Variants in MGA observed in about 807,000 individuals in gnomAD.
MGA encodes MAX dimerization protein MGA.
In MGA, 40 loss-of-function variants were observed where a neutral mutation model predicts 261.1. The observed-to-expected ratio is 0.15, with a 90% CI of 0.12 to 0.20. The LOEUF (loss-of-function observed/expected upper bound fraction) is 0.20, where lower values mean the gene tolerates loss of function less well. Among genes scored for constraint, MGA ranks in the 10% least tolerant of loss-of-function variants. The probability of loss-of-function intolerance (pLI) is 1.00; values close to 1 mark genes in which losing one functional copy is unlikely to be tolerated. For synonymous variants in MGA, 1,302 were observed against 1,290.6 expected, an observed-to-expected ratio of 1.01 and a Z score of -0.19; for missense variants, 3,397 against 3,630.5, an observed-to-expected ratio of 0.94 and a Z score of 1.65.
At position 41,760,340 on chromosome 15, in the gene MGA, A is replaced by C; in HGVS notation, c.7209A>C (p.Leu2403=). The C allele has an allele frequency of 6.2e-7, 1 of 1,614,050 alleles. No individual in the cohort carries two copies. The highest frequency in any genetic ancestry group is 8.5e-7 in the Non-Finnish European group (1 of 1,179,906). Residue 2403 remains leucine (L), a synonymous_variant, in exon 20 of 24, where the codon CTA becomes CTC. Coordinates refer to ENST00000219905, the MANE Select transcript of MGA (RefSeq NM_001164273.2). ...TTGGACAGGCTCCACCAATTCCTCTAAAACTGAAGCCTGATTACTGGAGTG... is the reference window on the plus strand; with the variant it reads ...TTGGACAGGCTCCACCAATTCCTCTCAAACTGAAGCCTGATTACTGGAGTG...
chr15:41,641,707 C>T lies in MGA; in HGVS notation c.-68+20409C>T, dbSNP rs191148965. On this transcript the variant is annotated intron_variant, in intron 1 of 8. Transcript: ENST00000566718. ...GTTTCACCATATTGGCCAGGATGGT[C>T]TCGATCTCTTGACCTCGTGATCTGC... is the stretch of plus-strand genomic sequence containing the variant. Among the ~76,000 whole-genome samples the T allele has an allele frequency of 1.3e-3, 198 of 151,646 alleles. 1 individual carries two copies. Among genetic ancestry groups the T allele is most frequent in the African/African-American group, 4.7e-3 (194 of 41,308 alleles).
chr15:41,699,493 A>G (rs142418269), intron 5 of MGA, among the ~76,000 whole-genome samples: 6 of 150,940 alleles, frequency 4.0e-5, no homozygotes, highest in African/African-American at 1.5e-4. Context: ...GCTTTTGTTT[A>G]TGTGTGTGTG....
chr15:41,750,139 C>G lies in MGA; in HGVS notation c.6532C>G (p.Leu2178Val). 6.2e-7 allele frequency: 1 copy of G among 1,613,858 alleles called. No individual in the cohort carries two copies. Among genetic ancestry groups the G allele is most frequent in the South Asian group, 1.1e-5 (1 of 91,070 alleles). ...AGACAGGGAAAGATGGAGAAAACAT[C>G]TGAAGGGCCCCTTAACCAGGAAATG... is the stretch of plus-strand genomic sequence containing the variant. Residue 2178 changes from leucine (L) to valine (V), a missense_variant, in exon 17 of 24, where the codon CTG becomes GTG. This residue lies in a region of MGA where 1,410 missense variants were observed against 1,386.4 expected (regional missense o/e 1.02). Transcript: ENST00000219905.
chr15:41,647,281 A>G (rs757636830), intron 1 of MGA, among the ~76,000 whole-genome samples: 9 of 152,304 alleles, frequency 5.9e-5, no homozygotes, highest in Admixed American at 2.6e-4. Flanking sequence ...CCACTTCTCT[A>G]TGTGCTACCT....
At position 41,652,868 on chromosome 15, in the gene MGA, G is replaced by A. The variant is rs1227317885; in HGVS notation, c.-67-15960G>A. Among the ~76,000 whole-genome samples, 6 of 151,922 alleles carry A rather than the reference G, an allele frequency of 3.9e-5. No individual in the cohort carries two copies. The East Asian group carries it at 7.7e-4, about 20-fold the overall frequency. On this transcript the variant is annotated intron_variant, in intron 1 of 8. Transcript: ENST00000566718. ...CATAGTTGATGCTTAATAAATATTCGTTTAACTCATTGTAGCCTTATTTAC... is the reference window on the plus strand; with the variant it reads ...CATAGTTGATGCTTAATAAATATTCATTTAACTCATTGTAGCCTTATTTAC...
intron 3 of MGA, 84 bp from the exon 4 acceptor site, chr15:41,698,779 C>CT (rs1243700270): frequency 1.4e-4 from 147 of 1,073,208 alleles, no homozygotes; most frequent in Non-Finnish European, 1.7e-4. Context: ...TCCTTCTGGT[C>CT]TTTAAGTTTT....
intron 17 of MGA, chr15:41,752,215 G>A (rs1354144265): frequency 6.6e-6 from 1 of 152,130 alleles, no homozygotes; most frequent in Non-Finnish European, 1.5e-5. Flanking sequence ...TATTTACGTA[G>A]AGATGGGGTT....
chr15:41,721,501 A>G (rs760924062), intron 9 of MGA, among the ~76,000 whole-genome samples: 14 of 152,316 alleles, frequency 9.2e-5, no homozygotes, highest in Middle Eastern at 3.4e-3. Context: ...TGTAATATCT[A>G]AGGACCTATA....
intron 1 of MGA, among the ~76,000 whole-genome samples, chr15:41,640,409 G>T (rs1282856314): frequency 6.6e-6 from 1 of 152,130 alleles, no homozygotes; most frequent in Non-Finnish European, 1.5e-5. Context: ...TTACAAAGGA[G>T]TTGTTGAGCC....
At chr15:41,704,652 C>T (rs756517919) in intron 5 of MGA, among the ~76,000 whole-genome samples, 5 of 152,016 alleles carry the variant, frequency 3.3e-5, no homozygotes, top group East Asian at 1.9e-4. Context: ...AGCAAGACTC[C>T]GTCTCAAAAA....
intron 2 of MGA, among the ~76,000 whole-genome samples, chr15:41,673,540 C>CTTTTTTTTTT (rs777334913): frequency 6.7e-5 from 8 of 118,938 alleles, no homozygotes; most frequent in Non-Finnish European, 1.0e-4. Context: ...TTCTTTCTTT[C>CTTTTTTTTTT]TTTTTTTTTT....
chr15:41,719,506 C>A (rs973373022), intron 9 of MGA, among the ~76,000 whole-genome samples: 1 of 152,098 alleles, frequency 6.6e-6, no homozygotes, highest in East Asian at 1.9e-4. Flanking sequence ...TTCAGGAGGC[C>A]GAGACTAGTG....
rs759289213 is a variant in MGA, at chr15:41,710,943, C to T, written c.2678C>T (p.Pro893Leu). 8.7e-6 allele frequency: 14 copies of T among 1,613,862 alleles called. No individual in the cohort carries two copies. Among genetic ancestry groups the T allele is most frequent in the Non-Finnish European group, 1.1e-5 (13 of 1,179,892 alleles). ...TCTTTGAAACCTCATTCTGTACCCCCTGTCTCTCGAAAGGCAAAGTCTCAA... is the reference window on the plus strand; with the variant it reads ...TCTTTGAAACCTCATTCTGTACCCCTTGTCTCTCGAAAGGCAAAGTCTCAA... The change falls in exon 8 of 24, where the codon CCT becomes CTT. Residue 893 changes from proline (P) to leucine (L), a missense_variant. Physicochemically the swap from Pro to Leu is moderately conservative, Grantham distance 98 (BLOSUM62 -3). Transcript: ENST00000219905.
At chr15:41,722,773 G>A (rs1275362741) in intron 9 of MGA, among the ~76,000 whole-genome samples, 1 of 152,178 alleles carries the variant, frequency 6.6e-6, no homozygotes, top group African/African-American at 2.4e-5. Flanking sequence ...GGTCTTCTAA[G>A]TGTAATGCTT....
In MGA at chr15:41,622,479, AT is replaced by A. The variant is rs1447577948; in HGVS notation, c.-68+1183del. On this transcript the variant is annotated intron_variant, in intron 1 of 8. Transcript: ENST00000566718. ...CCTGGTGGAGGTAATTTGTTATAAT[AT>A]TCTGGGCATGTCTGTCTATCTTTAT... Among the ~76,000 whole-genome samples, 3 of 152,334 alleles carry A rather than the reference AT, an allele frequency of 2.0e-5. No homozygotes were observed. The South Asian group carries it at 6.2e-4, about 32-fold the overall frequency.
Position 41,630,010 on chromosome 15 carries a change from A to G in MGA, c.-68+8712A>G, listed in dbSNP as rs141568010. On this transcript the variant is annotated intron_variant, in intron 1 of 8. Coordinates refer to the MGA transcript ENST00000566718. The stretch of plus-strand genomic sequence containing the variant: ...GTCACTTTCCTGCCTGAAGATTTCT[A>G]CTTTCTCTCCATTGTTTGAGGACAT... Among the ~76,000 whole-genome samples the G allele has an allele frequency of 1.2e-3, 188 of 152,186 alleles. 1 individual carries two copies. The highest frequency in any genetic ancestry group is 4.3e-3 in the African/African-American group (180 of 41,536).
intron 1 of MGA, among the ~76,000 whole-genome samples, chr15:41,654,750 G>A (rs543835864): frequency 6.6e-6 from 1 of 152,186 alleles, no homozygotes; most frequent in South Asian, 2.1e-4. Context: ...TTGGGCTCAA[G>A]CATTCCTTCC....
chr15:41,653,910 G>C (rs1326396081), intron 1 of MGA, among the ~76,000 whole-genome samples: 1 of 152,054 alleles, frequency 6.6e-6, no homozygotes, highest in Non-Finnish European at 1.5e-5. Context: ...GGGTCTGTCT[G>C]ACCTTGGTTT....
At chr15:41,673,288 G>A (rs2058174351) in intron 2 of MGA, among the ~76,000 whole-genome samples, 1 of 151,868 alleles carries the variant, frequency 6.6e-6, no homozygotes, top group Non-Finnish European at 1.5e-5. Context: ...TGTGATCTTG[G>A]CTTGCTGCAA....
Sources: allele counts gnomAD v4.1 joint callset (sites outside exome capture counted in the v4.1 genomes callset), GRCh38; gene constraint gnomAD v4.1.1; regional missense constraint gnomAD v4.1.1; transcripts MANE v1.5; gene names NCBI Gene and HGNC (gene_info 2026-07-23, HGNC 2026-07-21).